The following LAMA2 variants were observed in gnomAD, a reference collection of about 807,000 sequenced individuals.
The protein encoded by LAMA2 is laminin subunit alpha-2.
LAMA2 carries 269 observed loss-of-function variants against 364.8 expected under a neutral mutation model. That is an observed-to-expected ratio of 0.74 (90% CI 0.67 to 0.82). The LOEUF is 0.82. LAMA2 is among the 40% of genes least tolerant of loss of function. The probability of loss-of-function intolerance (pLI) is 0.00; values close to 1 mark genes in which losing one functional copy is unlikely to be tolerated. For missense variants in LAMA2, 3,807 were observed against 3,873.2 expected (o/e 0.98, Z 0.45); for synonymous variants, 1,379 against 1,370.6 (o/e 1.01, Z -0.14).
chr6:129,456,474 G>A lies in LAMA2; in HGVS notation c.6847G>A (p.Gly2283Ser), dbSNP rs766592516. ...TGCAAATGCAATGCTGTTTGTTGGT[G>A]GCCTGACTGGGAAATTAAAGGTAAT... ...VDANAMLFVG[G>S]LTGKLKKADA... is the part of the protein sequence containing the mutation. Residue 2283 changes from glycine to serine, a missense_variant, in exon 48 of 65, where the codon GGC (glycine) becomes AGC (serine). Physicochemically the swap from Gly to Ser is moderately conservative, Grantham distance 56. This residue lies in a region of LAMA2 where 3,333 missense variants were observed against 3,345.7 expected (regional missense o/e 1.00). Transcript: ENST00000421865. 2 of 1,613,288 alleles carry A rather than the reference G, an allele frequency of 1.2e-6. No individual in the cohort carries two copies.
chr6:128,959,773 C>G (rs1298508700), intron 1 of LAMA2, among the ~76,000 whole-genome samples: 1 of 152,014 alleles, frequency 6.6e-6, no homozygotes, highest in African/African-American at 2.4e-5. Context: ...TTGAAATACA[C>G]TATATAGTTT....
At chr6:129,140,134 G>A (rs76772726) in intron 4 of LAMA2, among the ~76,000 whole-genome samples, 5,698 of 152,108 alleles carry the variant, frequency 0.037, 368 homozygotes, top group African/African-American at 0.13. Context: ...ATGGAAAATC[G>A]TCTATACGAG....
chr6:128,905,869 T>G (rs776586897), intron 1 of LAMA2, among the ~76,000 whole-genome samples: 234 of 152,036 alleles, frequency 1.5e-3, no homozygotes, highest in Non-Finnish European at 2.7e-3. Context: ...CCACCTATGA[T>G]TGAGAACATG....
chr6:129,414,046 CTG>C (rs1303452369), intron 40 of LAMA2, among the ~76,000 whole-genome samples: 3 of 151,882 alleles, frequency 2.0e-5, no homozygotes, highest in African/African-American at 7.3e-5. Context: ...GGGATCATAA[CTG>C]TAGATACATT....
chr6:129,115,701 G>A (rs1776436571), intron 4 of LAMA2, among the ~76,000 whole-genome samples: 1 of 152,018 alleles, frequency 6.6e-6, no homozygotes, highest in Non-Finnish European at 1.5e-5. Context: ...CTGAGTGCAA[G>A]GGCCTTTGAA....
chr6:129,499,854 G>C (rs1380584492), intron 58 of LAMA2, among the ~76,000 whole-genome samples: 1 of 152,014 alleles, frequency 6.6e-6, no homozygotes, highest in Non-Finnish European at 1.5e-5. Context: ...AGTAGCTGGG[G>C]CTTTCAGCAT....
intron 17 of LAMA2, among the ~76,000 whole-genome samples, chr6:129,271,269 G>C (rs201982350): frequency 6.6e-6 from 1 of 151,658 alleles, no homozygotes; most frequent in Non-Finnish European, 1.5e-5. Flanking sequence ...TGTTCACCTA[G>C]AACAACCACC....
rs948500986 is a variant in LAMA2 at position 129,486,715 on chromosome 6, T to G, written c.7898+93T>G. On this transcript the variant is annotated intron_variant, in intron 56 of 64. Transcript: ENST00000421865. ...ATCAGTATCTGCCTGAACCTCTGTG[T>G]GTGTGGACCTACTATGCATTGCAAA... The G allele has an allele frequency of 4.3e-6, 5 of 1,169,824 alleles. No homozygotes were observed. In the African/African-American group the frequency reaches 6.1e-5, roughly 14 times the overall value. 72.5% of individuals were successfully genotyped at this position (1,169,824 alleles called of 1,614,324 possible). A position where few individuals can be genotyped will look rare whatever the true frequency, so the allele number is the denominator to read the frequency against.
intron 1 of LAMA2, among the ~76,000 whole-genome samples, chr6:128,962,296 G>T (rs181392345): frequency 9.3e-5 from 14 of 150,686 alleles, no homozygotes; most frequent in Admixed American, 8.6e-4. Context: ...TTTAACCAAA[G>T]TCCTAGGCCT....
intron 12 of LAMA2, among the ~76,000 whole-genome samples, chr6:129,193,153 A>G (rs1026353641): frequency 6.6e-6 from 1 of 152,218 alleles, no homozygotes; most frequent in Non-Finnish European, 1.5e-5. Flanking sequence ...GTATTGGAAG[A>G]AACTGTGTTG....
intron 8 of LAMA2, among the ~76,000 whole-genome samples, chr6:129,162,773 G>A (rs557725196): frequency 1.4e-3 from 213 of 151,810 alleles, no homozygotes; most frequent in Non-Finnish European, 2.5e-3. Context: ...ACTTTGGCCC[G>A]TAGACCAAAT....
At chr6:129,006,020 A>G (rs181375163) in intron 1 of LAMA2, among the ~76,000 whole-genome samples, 1 of 152,116 alleles carries the variant, frequency 6.6e-6, no homozygotes, top group East Asian at 1.9e-4. Context: ...AGTTTGATAT[A>G]CTTAACCTTA....
chr6:129,010,314 A>G (rs1479171082), intron 1 of LAMA2, among the ~76,000 whole-genome samples: 1 of 152,176 alleles, frequency 6.6e-6, no homozygotes, highest in African/African-American at 2.4e-5. Flanking sequence ...TCTCTACCAA[A>G]CATGCATGAA....
intron 17 of LAMA2, among the ~76,000 whole-genome samples, chr6:129,277,422 A>G (rs898715617): frequency 6.6e-6 from 1 of 152,228 alleles, no homozygotes; most frequent in African/African-American, 2.4e-5. Flanking sequence ...AACTGCAATT[A>G]CAGCAATAAG....
At chr6:129,012,817 G>A (rs1272206090) in intron 1 of LAMA2, among the ~76,000 whole-genome samples, 3 of 152,094 alleles carry the variant, frequency 2.0e-5, no homozygotes, top group African/African-American at 7.2e-5. Context: ...TGTGAGATAC[G>A]GATTTTGGAG....
intron 1 of LAMA2, among the ~76,000 whole-genome samples, chr6:129,048,590 C>A: frequency 2.2e-5 from 1 of 46,190 alleles, no homozygotes; most frequent in East Asian, 7.6e-4. Flanking sequence ...TCCTTCTTTG[C>A]TTCCTTCCTT....
In LAMA2 at chr6:129,137,496, G is replaced by A. The variant is rs536794065; in HGVS notation, c.640-6405G>A. The stretch of plus-strand genomic sequence containing the variant: ...TAATCCTTCATTGATTTACCTAAAC[G>A]TATGAAGATACCCATATAATATTTT... On this transcript the variant is annotated intron_variant, in intron 4 of 64. Transcript: ENST00000421865. Among the ~76,000 whole-genome samples the A allele has an allele frequency of 1.3e-3, 194 of 151,926 alleles. 1 individual carries two copies. Among genetic ancestry groups the A allele is most frequent in the African/African-American group, 4.2e-3 (176 of 41,442 alleles).
chr6:129,317,610 A>G (rs1049151670), intron 27 of LAMA2, among the ~76,000 whole-genome samples: 3 of 118,036 alleles, frequency 2.5e-5, no homozygotes, highest in African/African-American at 1.1e-4. Flanking sequence ...TAAAAAAAAT[A>G]TACTTAAAAA....
intron 45 of LAMA2, among the ~76,000 whole-genome samples, chr6:129,452,420 C>G (rs781069741): frequency 9.2e-5 from 14 of 152,070 alleles, no homozygotes; most frequent in Non-Finnish European, 1.9e-4. Flanking sequence ...TGAAAAGGTA[C>G]AATTTATTCT....
Sources: gnomAD v4.1 joint callset for allele counts (sites outside exome capture counted in the v4.1 genomes callset) on GRCh38, gnomAD v4.1.1 for gene constraint, gnomAD v4.1.1 regional missense constraint, MANE v1.5 for transcripts, NCBI Gene and HGNC (gene_info 2026-07-23, HGNC 2026-07-21) for gene names.